The following INPP4B variants were observed in gnomAD, a reference collection of about 807,000 sequenced individuals.
INPP4B encodes the protein inositol polyphosphate-4-phosphatase type II B.
In INPP4B, 55 loss-of-function variants were observed where a neutral mutation model predicts 122.5. That is an observed-to-expected ratio of 0.45 (90% CI 0.36 to 0.56). INPP4B has a LOEUF of 0.56. INPP4B is among the 20% of genes least tolerant of loss of function. The pLI is 0.00. For synonymous variants in INPP4B, 403 were observed against 388.7 expected, an observed-to-expected ratio of 1.04 and a Z score of -0.43; for missense variants, 1,000 against 1,097.7, an observed-to-expected ratio of 0.91 and a Z score of 1.26.
intron 23 of INPP4B, among the ~76,000 whole-genome samples, chr4:142,091,744 A>T (rs924327469): frequency 1.3e-5 from 2 of 152,212 alleles, no homozygotes; most frequent in African/African-American, 4.8e-5. Flanking sequence ...TCTGACTTTG[A>T]CGACCTGAAT....
chr4:142,118,459 G>C (rs1025046360), intron 21 of INPP4B, among the ~76,000 whole-genome samples: 7 of 152,072 alleles, frequency 4.6e-5, no homozygotes, highest in Admixed American at 2.0e-4. Flanking sequence ...TAGACCAATG[G>C]AACAGAACAG....
intron 25 of INPP4B, among the ~76,000 whole-genome samples, chr4:142,038,984 C>A (rs1279364504): frequency 1.3e-5 from 2 of 152,070 alleles, no homozygotes; most frequent in Non-Finnish European, 1.5e-5. Context: ...AATGAAAAAA[C>A]CATATTCCTT....
At chr4:142,624,932 C>T (rs369540776) in intron 2 of INPP4B, among the ~76,000 whole-genome samples, 237 of 151,928 alleles carry the variant, frequency 1.6e-3, no homozygotes, top group African/African-American at 3.7e-3. Context: ...AATTCAACAA[C>T]GCTTCATGCT....
chr4:142,273,782 C>A (rs1457411261), intron 9 of INPP4B, among the ~76,000 whole-genome samples: 3 of 151,764 alleles, frequency 2.0e-5, no homozygotes, highest in Non-Finnish European at 4.4e-5. Context: ...GGATGGGCAG[C>A]TTTTTTACAT....
chr4:142,582,143 C>T (rs931948877), intron 2 of INPP4B, among the ~76,000 whole-genome samples: 1 of 151,838 alleles, frequency 6.6e-6, no homozygotes, highest in African/African-American at 2.4e-5. Flanking sequence ...GTCTTGAACA[C>T]CTTCTCCACT....
intron 2 of INPP4B, among the ~76,000 whole-genome samples, chr4:142,463,605 C>T (rs905148846): frequency 6.6e-6 from 1 of 152,138 alleles, no homozygotes; most frequent in African/African-American, 2.4e-5. Flanking sequence ...GTATTCCCAT[C>T]CAAGTCTCAT....
At chr4:142,786,383 T>G (rs72728649) in intron 1 of INPP4B, among the ~76,000 whole-genome samples, 35,400 of 152,082 alleles carry the variant, frequency 0.23, 4,390 homozygotes, top group South Asian at 0.35. Context: ...CATATTAGAT[T>G]ATAACCCAAA....
chr4:142,406,592 C>A (rs1217216176), intron 5 of INPP4B, among the ~76,000 whole-genome samples: 1 of 152,202 alleles, frequency 6.6e-6, no homozygotes, highest in East Asian at 1.9e-4. Flanking sequence ...CTAGGCAACA[C>A]TGGGAAAATT....
At chr4:142,056,471 T>C (rs1412995024) in intron 25 of INPP4B, among the ~76,000 whole-genome samples, 4 of 152,050 alleles carry the variant, frequency 2.6e-5, no homozygotes, top group Admixed American at 2.6e-4. Flanking sequence ...ATTAGGCACA[T>C]TGGTTTATGT....
At chr4:142,112,037 A>T (rs1315471305) in intron 22 of INPP4B, among the ~76,000 whole-genome samples, 1 of 149,262 alleles carries the variant, frequency 6.7e-6, no homozygotes, top group Non-Finnish European at 1.5e-5. Flanking sequence ...AGCCACCACG[A>T]CCAGCAAAAA....
At chr4:142,068,557 A>G (rs1049481686) in intron 25 of INPP4B, among the ~76,000 whole-genome samples, 2 of 152,236 alleles carry the variant, frequency 1.3e-5, no homozygotes, top group Non-Finnish European at 2.9e-5. Context: ...AAGAGTCAAG[A>G]GCCATCAGTG....
At chr4:142,411,347 A>C (rs1304088414) in intron 5 of INPP4B, among the ~76,000 whole-genome samples, 4 of 152,102 alleles carry the variant, frequency 2.6e-5, no homozygotes, top group Admixed American at 6.5e-5. Context: ...TGCTCTGTAC[A>C]TTTCCTTCAT....
At chr4:142,305,586 T>C in intron 8 of INPP4B, 49 bp from the exon 9 acceptor site, 1 of 1,571,414 alleles carries the variant, frequency 6.4e-7, no homozygotes, top group Non-Finnish European at 8.7e-7. Context: ...TTCTTTAATA[T>C]TTTTGCTGTC....
chr4:142,385,485 AG>A (rs1795661786), intron 7 of INPP4B, among the ~76,000 whole-genome samples: 2 of 152,268 alleles, frequency 1.3e-5, no homozygotes, highest in South Asian at 2.1e-4. Context: ...CCTAGTGATT[AG>A]TTATAACAAC....
chr4:142,365,440 A>T (rs1203329779), intron 7 of INPP4B, among the ~76,000 whole-genome samples: 1 of 152,142 alleles, frequency 6.6e-6, no homozygotes, highest in African/African-American at 2.4e-5. Context: ...ACAACTCATA[A>T]GTAATAGGTG....
chr4:142,545,397 A>C (rs1829428937), intron 2 of INPP4B, among the ~76,000 whole-genome samples: 1 of 152,148 alleles, frequency 6.6e-6, no homozygotes, highest in Non-Finnish European at 1.5e-5. Context: ...ACTATAACAC[A>C]GAAAAGGTAA....
intron 5 of INPP4B, among the ~76,000 whole-genome samples, chr4:142,428,054 T>A (rs1808483589): frequency 6.6e-6 from 1 of 151,792 alleles, no homozygotes; most frequent in Admixed American, 6.6e-5. Flanking sequence ...ATATTTAATT[T>A]ATAGCACAAT....
chr4:142,300,477 C>T (rs1353487701), intron 9 of INPP4B, among the ~76,000 whole-genome samples: 1 of 151,758 alleles, frequency 6.6e-6, no homozygotes, highest in African/African-American at 2.4e-5. Context: ...AACCAAAATG[C>T]CAAAAAATAA....
chr4:142,820,460 C>T (rs547208839), intron 1 of INPP4B, among the ~76,000 whole-genome samples: 484 of 152,232 alleles, frequency 3.2e-3, no homozygotes, highest in Middle Eastern at 6.8e-3. Context: ...ACAGTTGAGG[C>T]CCTCACAGCA....
Sources: allele counts gnomAD v4.1 joint callset (sites outside exome capture counted in the v4.1 genomes callset), GRCh38; gene constraint gnomAD v4.1.1; transcripts MANE v1.5; gene names NCBI Gene and HGNC (gene_info 2026-07-23, HGNC 2026-07-21).